The following ENTREP2 variants were observed in gnomAD, a reference collection of about 807,000 sequenced individuals.
ENTREP2 encodes endosomal transmembrane epsin interactor 2, also known as protein ENTREP2.
the ENTREP2 span, among the ~76,000 whole-genome samples, chr15:29,278,057 A>T: frequency 6.6e-6 from 1 of 152,188 alleles, no homozygotes; most frequent in Non-Finnish European, 1.5e-5. Context: ...AAAGAGAGAA[A>T]CAGGTGACTG....
chr15:29,650,300 T>C, the ENTREP2 span, among the ~76,000 whole-genome samples: 6 of 152,106 alleles, frequency 3.9e-5, no homozygotes, highest in Non-Finnish European at 8.8e-5. Flanking sequence ...TACTACTTCG[T>C]CAAAAATCTA....
the ENTREP2 span, among the ~76,000 whole-genome samples, chr15:29,601,739 ATC>A: frequency 3.9e-5 from 6 of 152,086 alleles, no homozygotes; most frequent in African/African-American, 9.7e-5. Context: ...CCTTCTAATT[ATC>A]TGTTTTTATA....
the ENTREP2 span, among the ~76,000 whole-genome samples, chr15:29,382,991 T>G: frequency 6.6e-6 from 1 of 152,056 alleles, no homozygotes; most frequent in Non-Finnish European, 1.5e-5. Flanking sequence ...CTGTGGCTTC[T>G]CACTCCCCTG....
At chr15:29,408,357 G>C in the ENTREP2 span, among the ~76,000 whole-genome samples, 8 of 152,296 alleles carry the variant, frequency 5.3e-5, no homozygotes, top group Admixed American at 2.0e-4. Flanking sequence ...AGAAAAATAA[G>C]GTGGGAAAGT....
chr15:29,408,186 G>A, the ENTREP2 span, among the ~76,000 whole-genome samples: 1 of 152,146 alleles, frequency 6.6e-6, no homozygotes. Context: ...AGCAGATACT[G>A]GCAAGGACCA....
chr15:29,489,778 G>A, the ENTREP2 span, among the ~76,000 whole-genome samples: 1 of 152,104 alleles, frequency 6.6e-6, no homozygotes, highest in South Asian at 2.1e-4. Flanking sequence ...ACAAAGCTAG[G>A]CACATTTGCA....
the ENTREP2 span, among the ~76,000 whole-genome samples, chr15:29,359,463 A>G: frequency 1.3e-5 from 2 of 152,222 alleles, no homozygotes; most frequent in Non-Finnish European, 2.9e-5. Context: ...CCCAGGCTGG[A>G]GCACAGTGGC....
At chr15:29,545,290 T>C in the ENTREP2 span, among the ~76,000 whole-genome samples, 12 of 152,318 alleles carry the variant, frequency 7.9e-5, no homozygotes, top group Admixed American at 4.6e-4. Context: ...AATGCAGACA[T>C]CTGGTAGTTT....
chr15:29,136,405 AG>A, the ENTREP2 span: 6 of 1,530,802 alleles, frequency 3.9e-6, no homozygotes, highest in South Asian at 2.5e-5. Context: ...CCTCGTACGG[AG>A]GGGGGAGCTC....
At chr15:29,570,787 TCA>T in the ENTREP2 span, 10 of 678,084 alleles carry the variant, frequency 1.5e-5, no homozygotes, top group Non-Finnish European at 1.8e-5. Context: ...CCGCCTCTCC[TCA>T]CAGAGGGTCC....
the ENTREP2 span, among the ~76,000 whole-genome samples, chr15:29,558,581 G>T: frequency 8.8e-6 from 1 of 113,394 alleles, no homozygotes; most frequent in African/African-American, 3.4e-5. Flanking sequence ...ATCTACGGCT[G>T]ACCCTGAAAA....
chr15:29,563,275 A>C, the ENTREP2 span, among the ~76,000 whole-genome samples: 2 of 152,186 alleles, frequency 1.3e-5, no homozygotes, highest in Non-Finnish European at 2.9e-5. Flanking sequence ...GTCCCTGGAC[A>C]CTAATTATAC....
chr15:29,603,595 C>G, the ENTREP2 span, among the ~76,000 whole-genome samples: 1 of 151,812 alleles, frequency 6.6e-6, no homozygotes, highest in Non-Finnish European at 1.5e-5. Flanking sequence ...CAAAGCCCCT[C>G]CAAAAAATGG....
At chr15:29,398,765 C>T in the ENTREP2 span, among the ~76,000 whole-genome samples, 1 of 152,160 alleles carries the variant, frequency 6.6e-6, no homozygotes, top group Admixed American at 6.5e-5. Context: ...TGAAAGTACT[C>T]GTGTGGTATG....
the ENTREP2 span, among the ~76,000 whole-genome samples, chr15:29,371,275 C>A: frequency 6.6e-6 from 1 of 151,764 alleles, no homozygotes; most frequent in Admixed American, 6.6e-5. Flanking sequence ...CCTTCACATT[C>A]TGGACCACGC....
chr15:29,669,717 C>T, the ENTREP2 span, among the ~76,000 whole-genome samples: 1 of 152,112 alleles, frequency 6.6e-6, no homozygotes. Flanking sequence ...AAGGGAGGAC[C>T]TGTGGAGGGT....
the ENTREP2 span, among the ~76,000 whole-genome samples, chr15:29,177,741 G>T: frequency 6.6e-6 from 1 of 152,164 alleles, no homozygotes; most frequent in African/African-American, 2.4e-5. Flanking sequence ...GGACATCCAG[G>T]CGGCACCGGG....
chr15:29,551,916 G>C, the ENTREP2 span, among the ~76,000 whole-genome samples: 2 of 152,044 alleles, frequency 1.3e-5, no homozygotes, highest in Non-Finnish European at 2.9e-5. Context: ...AGAATAAGTA[G>C]CATTTTCCCC....
the ENTREP2 span, among the ~76,000 whole-genome samples, chr15:29,201,352 G>C: frequency 1.3e-5 from 2 of 152,134 alleles, no homozygotes; most frequent in African/African-American, 4.8e-5. Flanking sequence ...TGCTTGCCTT[G>C]TTCCTGATCT....
Sources: gnomAD v4.1 joint callset for allele counts (sites outside exome capture counted in the v4.1 genomes callset) on GRCh38, gnomAD v4.1.1 for gene constraint, MANE v1.5 for transcripts, NCBI Gene and HGNC (gene_info 2026-07-23, HGNC 2026-07-21) for gene names.